FAM13B: variants seen among roughly 807,000 people sequenced by gnomAD.
The protein encoded by FAM13B is family with sequence similarity 13 member B.
A neutral mutation model predicts 117.3 loss-of-function variants in FAM13B; 60 were observed. The ratio of observed to expected loss-of-function variants is 0.51; its 90% CI spans 0.42 to 0.63. The LOEUF (loss-of-function observed/expected upper bound fraction) is 0.63, where lower values mean the gene tolerates loss of function less well. Ranked by LOEUF, FAM13B falls within the 30% of genes least tolerant of loss-of-function variation. The pLI is 0.00. For synonymous variants in FAM13B, 332 were observed against 356.1 expected (o/e 0.93, Z 0.76); for missense variants, 972 against 1,091.9 (o/e 0.89, Z 1.55).
chr5:137,956,091 A>G (rs1247126783), intron 14 of FAM13B, among the ~76,000 whole-genome samples: 8 of 152,182 alleles, frequency 5.3e-5, no homozygotes, highest in Admixed American at 3.9e-4. Context: ...AATTTAGTTT[A>G]ACTTTATGCA....
At chr5:137,965,364 C>T (rs1052277315) in intron 10 of FAM13B, among the ~76,000 whole-genome samples, 1 of 152,122 alleles carries the variant, frequency 6.6e-6, no homozygotes, top group African/African-American at 2.4e-5. Context: ...GGAGGAGCAG[C>T]AGATACAGCA....
chr5:137,967,569 C>A (rs140952794), intron 10 of FAM13B, among the ~76,000 whole-genome samples: 12 of 151,936 alleles, frequency 7.9e-5, no homozygotes, highest in Admixed American at 4.6e-4. Context: ...ATCAACCCAA[C>A]AGAAAAATGT....
At chr5:137,990,772 T>C (rs945230494) in intron 7 of FAM13B, among the ~76,000 whole-genome samples, 9 of 151,950 alleles carry the variant, frequency 5.9e-5, no homozygotes, top group East Asian at 1.9e-4. Flanking sequence ...CTGGGCAACA[T>C]AGCGAGACCC....
intron 9 of FAM13B, among the ~76,000 whole-genome samples, chr5:137,987,191 T>C (rs890253471): frequency 6.6e-6 from 1 of 152,134 alleles, no homozygotes; most frequent in African/African-American, 2.4e-5. Flanking sequence ...AAAGGTAAGC[T>C]TGTTACTTCA....
chr5:138,004,410 A>G (rs892161847), intron 7 of FAM13B, among the ~76,000 whole-genome samples: 1 of 152,186 alleles, frequency 6.6e-6, no homozygotes, highest in African/African-American at 2.4e-5. Flanking sequence ...CTTGCTGGTA[A>G]TTACATAAAT....
At chr5:137,954,581 T>C in intron 14 of FAM13B, 1 of 269,200 alleles carries the variant, frequency 3.7e-6, no homozygotes, top group Non-Finnish European at 6.8e-6. Context: ...TACTATAGTT[T>C]AAAATTATTC....
intron 10 of FAM13B, among the ~76,000 whole-genome samples, chr5:137,968,778 G>A (rs535613012): frequency 3.4e-4 from 52 of 152,350 alleles, no homozygotes; most frequent in Admixed American, 5.9e-4. Flanking sequence ...AAAGCAGGGC[G>A]AGGCATTGCC....
intron 10 of FAM13B, among the ~76,000 whole-genome samples, chr5:137,971,074 T>C (rs929342955): frequency 6.6e-6 from 1 of 151,722 alleles, no homozygotes; most frequent in Admixed American, 6.6e-5. Flanking sequence ...TTAACAAGGA[T>C]ACCCAGGAAT....
At chr5:137,991,139 A>G (rs1455287221) in intron 7 of FAM13B, among the ~76,000 whole-genome samples, 2 of 152,240 alleles carry the variant, frequency 1.3e-5, no homozygotes, top group Non-Finnish European at 2.9e-5. Context: ...GTGAAAATAA[A>G]CTGTATAAGA....
chr5:138,032,941 G>A lies in FAM13B; in HGVS notation c.-362C>T. 1.0e-6 allele frequency: 1 copy of A among 985,956 alleles called. No individual in the cohort carries two copies. The highest frequency in any genetic ancestry group is 1.2e-6 in the Non-Finnish European group (1 of 830,218). 61.1% of individuals were successfully genotyped at this position (985,956 alleles called of 1,614,324 possible). On this transcript the variant is annotated 5_prime_UTR_variant, in exon 1 of 24. Coordinates refer to ENST00000689681, the MANE Select transcript of FAM13B (RefSeq NM_001385994.1). ...GAGGTTAAAGCTACGGCTGTGGCGCGGGGCCAGCCCGGTAAGCGACCCCCC... is the reference window on the plus strand; with the variant it reads ...GAGGTTAAAGCTACGGCTGTGGCGCAGGGCCAGCCCGGTAAGCGACCCCCC...
chr5:137,989,843 AAAC>A (rs1309405694), intron 7 of FAM13B, among the ~76,000 whole-genome samples: 1 of 152,094 alleles, frequency 6.6e-6, no homozygotes, highest in African/African-American at 2.4e-5. Context: ...AAGAAAAATA[AAAC>A]AACTAAAGTT....
At chr5:138,017,627 C>G (rs1460945392) in intron 4 of FAM13B, among the ~76,000 whole-genome samples, 1 of 152,144 alleles carries the variant, frequency 6.6e-6, no homozygotes, top group Non-Finnish European at 1.5e-5. Context: ...CCATTTGGCT[C>G]TAGGAACAGA....
Position 137,988,306 on chromosome 5 carries a change from T to C in FAM13B, c.858A>G (p.Ile286Met), listed in dbSNP as rs1311792636. 1.3e-6 allele frequency: 2 copies of C among 1,560,562 alleles called. No homozygotes were observed. Among genetic ancestry groups the C allele is most frequent in the South Asian group, 1.2e-5 (1 of 81,960 alleles). Residue 286 changes from isoleucine (I) to methionine (M), a missense_variant, in exon 8 of 24, where the codon ATA becomes ATG. Ile to Met is a conservative substitution (Grantham distance 10, BLOSUM62 1). Transcript: ENST00000689681. ...SNSVTATSTHISPISILPAST... is the reference protein window; with the variant it reads ...SNSVTATSTHMSPISILPAST... ...AGGCTGGTAGGATGCTGATGGGAGA[T>C]ATATGGGTGCTGCAATCAAAGAAAG...
intron 10 of FAM13B, among the ~76,000 whole-genome samples, chr5:137,979,428 C>T (rs1251441528): frequency 6.6e-6 from 1 of 152,156 alleles, no homozygotes; most frequent in African/African-American, 2.4e-5. Context: ...AACCTTCTTC[C>T]TAAAATACAG....
At chr5:137,980,317 G>C (rs1460558715) in intron 10 of FAM13B, among the ~76,000 whole-genome samples, 1 of 152,088 alleles carries the variant, frequency 6.6e-6, no homozygotes, top group African/African-American at 2.4e-5. Flanking sequence ...GCTGGGGTTG[G>C]GGGGAAGAAA....
At chr5:137,980,292 T>C (rs1775328900) in intron 10 of FAM13B, among the ~76,000 whole-genome samples, 1 of 152,102 alleles carries the variant, frequency 6.6e-6, no homozygotes, top group Non-Finnish European at 1.5e-5. Context: ...AATAAGAGTA[T>C]CACTGAACTT....
chr5:138,023,266 C>G (rs182562117), intron 1 of FAM13B, among the ~76,000 whole-genome samples: 29 of 152,330 alleles, frequency 1.9e-4, no homozygotes, highest in African/African-American at 6.7e-4. Context: ...ATCAACCTTT[C>G]TGACGACAAG....
rs770397632 is a variant in FAM13B, at chr5:138,011,745, CA to C, written c.548+22del. The C allele has an allele frequency of 4.3e-5, 68 of 1,578,738 alleles. No individual in the cohort carries two copies. In the East Asian group the frequency reaches 1.6e-3, roughly 36 times the overall value. On this transcript the variant is annotated intron_variant, in intron 5 of 23. Transcript: ENST00000689681. ...ACATATCTAATTTTTAAAAATTAAA[CA>C]AAAATTTTTTAAACAACTTACTGGA...
intron 1 of FAM13B, among the ~76,000 whole-genome samples, chr5:138,042,588 C>A (rs576668862): frequency 6.8e-6 from 1 of 146,744 alleles, no homozygotes; most frequent in South Asian, 2.2e-4. Context: ...CCAAAAAAAG[C>A]AAAACTAAAT....
Sources: allele counts gnomAD v4.1 joint callset (sites outside exome capture counted in the v4.1 genomes callset), GRCh38; gene constraint gnomAD v4.1.1; transcripts MANE v1.5; gene names NCBI Gene and HGNC (gene_info 2026-07-23, HGNC 2026-07-21).